Variants in MMADHC observed in about 807,000 individuals in gnomAD.
MMADHC encodes cobalamin trafficking protein CblD.
Under a neutral mutation model 36.3 loss-of-function variants are expected in MMADHC, and 23 were observed. The ratio of observed to expected loss-of-function variants is 0.63; its 90% CI spans 0.46 to 0.90. The LOEUF is 0.90. Among genes scored for constraint, MMADHC ranks in the 40% least tolerant of loss-of-function variants. MMADHC has a pLI of 0.00. For missense variants in MMADHC, 330 were observed against 348.0 expected (o/e 0.95, Z 0.41); for synonymous variants, 97 against 116.1 (o/e 0.84, Z 1.06).
chr2:149,570,422 T>C (rs1000653453), intron 7 of MMADHC, among the ~76,000 whole-genome samples: 17 of 152,188 alleles, frequency 1.1e-4, no homozygotes, highest in African/African-American at 3.9e-4. Flanking sequence ...CCTTTGAAGA[T>C]GGAATAAACC....
chr2:149,577,536 G>A (rs1189139560), intron 4 of MMADHC, among the ~76,000 whole-genome samples: 1 of 152,096 alleles, frequency 6.6e-6, no homozygotes, highest in Non-Finnish European at 1.5e-5. Flanking sequence ...ACAAAAATTA[G>A]CCAGGAATGG....
intron 6 of MMADHC, 138 bp downstream of exon 6, chr2:149,575,573 T>A (rs1002891983): frequency 3.3e-6 from 2 of 612,052 alleles, no homozygotes; most frequent in Non-Finnish European, 5.2e-6. Context: ...TCAAAAAAGA[T>A]GTAAGTCCTT....
At chr2:149,572,069 T>C (rs182275287) in intron 6 of MMADHC, among the ~76,000 whole-genome samples, 2 of 152,266 alleles carry the variant, frequency 1.3e-5, no homozygotes, top group Admixed American at 6.5e-5. Flanking sequence ...ACCATGTGCA[T>C]ATATAAAAAT....
At chr2:149,584,914 G>A (rs1032079939) in intron 2 of MMADHC, among the ~76,000 whole-genome samples, 2 of 151,900 alleles carry the variant, frequency 1.3e-5, no homozygotes, top group Non-Finnish European at 1.5e-5. Context: ...ATCGTGGCAA[G>A]TGCCTATAAT....
At chr2:149,573,599 TTTTCTCTTAATAC>T (rs1432474278) in intron 6 of MMADHC, among the ~76,000 whole-genome samples, 2 of 150,560 alleles carry the variant, frequency 1.3e-5, no homozygotes, top group African/African-American at 5.0e-5. Flanking sequence ...CTAAGGTAAC[TTTTCTCTTAATAC>T]TTTCTTATAA....
chr2:149,579,289 G>T, intron 4 of MMADHC, 142 bp downstream of exon 4: 1 of 743,604 alleles, frequency 1.3e-6, no homozygotes, highest in Non-Finnish European at 2.2e-6. Context: ...GTTTTCCAAA[G>T]CTATATATGC....
intron 6 of MMADHC, among the ~76,000 whole-genome samples, chr2:149,573,839 T>C (rs1682678067): frequency 6.7e-6 from 1 of 149,646 alleles, no homozygotes; most frequent in Non-Finnish European, 1.5e-5. Flanking sequence ...CGATCAAATG[T>C]TTACAAAGGT....
chr2:149,582,614 C>T (rs115278552), intron 2 of MMADHC, among the ~76,000 whole-genome samples: 343 of 152,200 alleles, frequency 2.3e-3, no homozygotes, highest in Admixed American at 4.4e-3. Flanking sequence ...ATTCTTCTAT[C>T]CTCAATAAAG....
intron 7 of MMADHC, among the ~76,000 whole-genome samples, chr2:149,570,478 C>T (rs997443250): frequency 1.3e-5 from 2 of 152,104 alleles, no homozygotes; most frequent in African/African-American, 2.4e-5. Flanking sequence ...GACAAGGAAA[C>T]TAAAGCCCAA....
At chr2:149,584,402 T>A (rs572559990) in intron 2 of MMADHC, among the ~76,000 whole-genome samples, 1 of 152,328 alleles carries the variant, frequency 6.6e-6, no homozygotes, top group South Asian at 2.1e-4. Flanking sequence ...ATACTGTTAT[T>A]AGAACTAGTT....
intron 7 of MMADHC, 87 bp from the exon 8 acceptor site, chr2:149,570,255 T>C: frequency 9.2e-7 from 1 of 1,090,014 alleles, no homozygotes; most frequent in East Asian, 2.6e-5. Flanking sequence ...CTATCTACTT[T>C]AATACTCCAA....
chr2:149,585,911 T>C (rs1682863081), intron 2 of MMADHC, among the ~76,000 whole-genome samples: 1 of 152,344 alleles, frequency 6.6e-6, no homozygotes, highest in African/African-American at 2.4e-5. Context: ...TTATAATTTA[T>C]TCATTTAAAC....
intron 1 of MMADHC, chr2:149,587,394 C>T: frequency 1.9e-6 from 1 of 513,088 alleles, no homozygotes; most frequent in Admixed American, 3.4e-5. Flanking sequence ...CGGACCAGAT[C>T]CGGGAGGGGA....
Position 149,573,796 on chromosome 2 carries a change from T to C in MMADHC, c.609+1915A>G, listed in dbSNP as rs367835500. On this transcript the variant is annotated intron_variant, in intron 6 of 7. Transcript: ENST00000303319. ...ATTTAATGAACAGATGTGTCATACA[T>C]AAACACTACAAGGAGAGCAAAACAA... is the stretch of plus-strand genomic sequence containing the variant. Among the ~76,000 whole-genome samples, 596 of 152,214 alleles carry C rather than the reference T, an allele frequency of 3.9e-3. 1 individual carries two copies. The highest frequency in any genetic ancestry group is 6.6e-3 in the Non-Finnish European group (450 of 67,990).
chr2:149,582,470 ATAAGT>A, intron 2 of MMADHC, among the ~76,000 whole-genome samples, 199 bp from the exon 3 acceptor site: 1 of 152,306 alleles, frequency 6.6e-6, no homozygotes, highest in Admixed American at 6.5e-5. Context: ...AAAACAAGTA[ATAAGT>A]TAGTTTGGGT....
At position 149,587,104 on chromosome 2, in the gene MMADHC, TGGA is replaced by T. The variant is rs1682883210; in HGVS notation, c.-10_-8del. 1.9e-6 allele frequency: 3 copies of T among 1,613,860 alleles called. No individual in the cohort carries two copies. The highest frequency in any genetic ancestry group is 2.5e-6 in the Non-Finnish European group (3 of 1,179,710). On this transcript the variant is annotated 5_prime_UTR_variant, in exon 2 of 8. Transcript: ENST00000303319. ...ATTTACTCACATTGGCCATCTCCGC[TGGA>T]GAAGATAGTTCGCAAAATAGCTTTC...
intron 3 of MMADHC, 118 bp downstream of exon 3, chr2:149,582,009 A>T: frequency 5.3e-6 from 6 of 1,139,502 alleles, no homozygotes; most frequent in Non-Finnish European, 6.4e-6. Context: ...TTCATTTTCA[A>T]CTGAACAAAC....
rs1271155146 is a variant in MMADHC at position 149,587,110 on chromosome 2, A to G, written c.-13T>C. On this transcript the variant is annotated 5_prime_UTR_variant, in exon 2 of 8. Coordinates refer to ENST00000303319, the MANE Select transcript of MMADHC (RefSeq NM_015702.3). ...TCACATTGGCCATCTCCGCTGGAGA[A>G]GATAGTTCGCAAAATAGCTTTCCTT... is the stretch of plus-strand genomic sequence containing the variant. 3 of 1,613,566 alleles carry G rather than the reference A, an allele frequency of 1.9e-6. No individual in the cohort carries two copies. The highest frequency in any genetic ancestry group is 1.1e-5 in the South Asian group (1 of 91,088).
chr2:149,581,896 A>G (rs960896251), intron 3 of MMADHC, among the ~76,000 whole-genome samples: 1 of 152,198 alleles, frequency 6.6e-6, no homozygotes, highest in African/African-American at 2.4e-5. Context: ...TCTATGTTTG[A>G]AGACAGAAAG....
Sources: allele counts gnomAD v4.1 joint callset (sites outside exome capture counted in the v4.1 genomes callset), GRCh38; gene constraint gnomAD v4.1.1; transcripts MANE v1.5; gene names NCBI Gene and HGNC (gene_info 2026-07-23, HGNC 2026-07-21).